CHST11: variants seen among roughly 807,000 people sequenced by gnomAD.
The protein encoded by CHST11 is C4S-1.
CHST11 carries 9 observed loss-of-function variants against 30.4 expected under a neutral mutation model. The ratio of observed to expected loss-of-function variants is 0.30; its 90% CI spans 0.18 to 0.52. The LOEUF is 0.52. CHST11 is among the 20% of genes least tolerant of loss of function. The pLI is 0.97. For missense variants in CHST11, 348 were observed against 460.6 expected (o/e 0.76, Z 2.24); for synonymous variants, 152 against 187.8 (o/e 0.81, Z 1.56).
At chr12:104,504,122 G>A (rs777152335) in intron 1 of CHST11, among the ~76,000 whole-genome samples, 5 of 152,140 alleles carry the variant, frequency 3.3e-5, no homozygotes, top group African/African-American at 1.2e-4. Flanking sequence ...TTACCTGGGT[G>A]TACCCCACAC....
intron 1 of CHST11, among the ~76,000 whole-genome samples, chr12:104,526,215 T>TAA (rs11292565): frequency 1.4e-5 from 2 of 145,920 alleles, no homozygotes; most frequent in Admixed American, 6.8e-5. Flanking sequence ...ATCATTTTCT[T>TAA]AAAAAAAAAA....
chr12:104,661,181 G>A (rs561689535), intron 2 of CHST11, among the ~76,000 whole-genome samples: 2 of 152,270 alleles, frequency 1.3e-5, no homozygotes, highest in East Asian at 3.9e-4. Context: ...AAAAACGGAA[G>A]GAGTAGCTCT....
chr12:104,623,448 C>T (rs373698733), intron 2 of CHST11, among the ~76,000 whole-genome samples: 1 of 152,202 alleles, frequency 6.6e-6, no homozygotes, highest in East Asian at 1.9e-4. Context: ...AAGTGGCTCA[C>T]GCCTGTAATC....
At position 104,758,868 on chromosome 12, in the gene CHST11, A is replaced by G. The variant is rs1435994772; in HGVS notation, c.*1065A>G. Reference sequence around the variant, plus strand: ...AAAAGATGCTAAAAAAATGTGTCCTATCATGTGCCTGCTCCAACTGATGGG... The same window carrying G: ...AAAAGATGCTAAAAAAATGTGTCCTGTCATGTGCCTGCTCCAACTGATGGG... On this transcript the variant is annotated 3_prime_UTR_variant, in exon 3 of 3. Transcript: ENST00000303694. The G allele has an allele frequency of 1.3e-5, 2 of 152,236 alleles. No individual in the cohort carries two copies. The highest frequency in any genetic ancestry group is 4.8e-5 in the African/African-American group (2 of 41,454). The allele number at this position is 152,236 out of a possible 1,614,324, so 9.4% of individuals were successfully genotyped here. A position where few individuals can be genotyped will look rare whatever the true frequency, so the allele number is the denominator to read the frequency against.
intron 1 of CHST11, among the ~76,000 whole-genome samples, chr12:104,596,727 A>G (rs1357706290): frequency 6.6e-6 from 1 of 152,212 alleles, no homozygotes; most frequent in Non-Finnish European, 1.5e-5. Flanking sequence ...CAATGTGAGA[A>G]AAAGGCTGAG....
At chr12:104,686,908 A>G (rs1223624325) in intron 2 of CHST11, among the ~76,000 whole-genome samples, 1 of 152,186 alleles carries the variant, frequency 6.6e-6, no homozygotes, top group Non-Finnish European at 1.5e-5. Flanking sequence ...TCAGCCTCCC[A>G]AAGTGCTGGG....
intron 2 of CHST11, among the ~76,000 whole-genome samples, chr12:104,684,838 C>T (rs2039831950): frequency 6.6e-6 from 1 of 152,202 alleles, no homozygotes; most frequent in Non-Finnish European, 1.5e-5. Context: ...CATGAGCCAC[C>T]ACCACACCCA....
At chr12:104,657,546 G>A (rs1351575507) in intron 2 of CHST11, among the ~76,000 whole-genome samples, 1 of 151,962 alleles carries the variant, frequency 6.6e-6, no homozygotes, top group Non-Finnish European at 1.5e-5. Flanking sequence ...GAGATCATTT[G>A]CAGGCCAGCC....
At chr12:104,628,276 C>T (rs2039237560) in intron 2 of CHST11, among the ~76,000 whole-genome samples, 1 of 152,198 alleles carries the variant, frequency 6.6e-6, no homozygotes, top group Non-Finnish European at 1.5e-5. Flanking sequence ...AGGGATTTCT[C>T]TCCAGCCTCA....
At chr12:104,601,025 C>T in intron 1 of CHST11, among the ~76,000 whole-genome samples, 1 of 149,216 alleles carries the variant, frequency 6.7e-6, no homozygotes. Flanking sequence ...TCCTCCTTCC[C>T]TCCTTCCTTC....
intron 1 of CHST11, among the ~76,000 whole-genome samples, chr12:104,484,872 A>T (rs1374699386): frequency 6.6e-6 from 1 of 152,180 alleles, no homozygotes; most frequent in Non-Finnish European, 1.5e-5. Flanking sequence ...GACATGAAGG[A>T]TGTGGGGATT....
intron 1 of CHST11, among the ~76,000 whole-genome samples, chr12:104,574,283 C>T (rs2038660203): frequency 6.6e-6 from 1 of 152,084 alleles, no homozygotes; most frequent in Non-Finnish European, 1.5e-5. Context: ...CTAGTTCAAC[C>T]ATTGTGGAAG....
At chr12:104,713,090 G>A (rs188451456) in intron 2 of CHST11, among the ~76,000 whole-genome samples, 12 of 152,122 alleles carry the variant, frequency 7.9e-5, no homozygotes, top group East Asian at 3.9e-4. Flanking sequence ...ACACAGCAGC[G>A]TGTTCTTAAG....
chr12:104,597,826 C>T (rs975555336), intron 1 of CHST11, among the ~76,000 whole-genome samples: 3 of 152,320 alleles, frequency 2.0e-5, no homozygotes, highest in Admixed American at 1.3e-4. Context: ...AACCAGGTCT[C>T]AGGCCAGGAG....
At chr12:104,652,100 G>A (rs1044278044) in intron 2 of CHST11, among the ~76,000 whole-genome samples, 9 of 152,280 alleles carry the variant, frequency 5.9e-5, no homozygotes, top group African/African-American at 2.2e-4. Flanking sequence ...TGTCCCTAAT[G>A]CAGTCGCCGC....
At chr12:104,497,461 G>A (rs2037809402) in intron 1 of CHST11, among the ~76,000 whole-genome samples, 1 of 152,172 alleles carries the variant, frequency 6.6e-6, no homozygotes, top group African/African-American at 2.4e-5. Context: ...CTCCAGAACT[G>A]TGAGAACGTA....
intron 2 of CHST11, among the ~76,000 whole-genome samples, chr12:104,751,538 T>C (rs1231521618): frequency 6.6e-6 from 1 of 152,246 alleles, no homozygotes; most frequent in Non-Finnish European, 1.5e-5. Context: ...TCCAGTGACC[T>C]AGGGCTGACC....
chr12:104,470,088 AT>A (rs1240329383), intron 1 of CHST11, among the ~76,000 whole-genome samples: 1 of 152,246 alleles, frequency 6.6e-6, no homozygotes, highest in Non-Finnish European at 1.5e-5. Flanking sequence ...TGCTACTGGC[AT>A]TTAGTGAGTG....
chr12:104,577,422 A>C (rs1187785127), intron 1 of CHST11, among the ~76,000 whole-genome samples: 2 of 152,068 alleles, frequency 1.3e-5, no homozygotes, highest in African/African-American at 4.8e-5. Context: ...GGCTGTGTAC[A>C]CACTAGGTGC....
Sources: allele counts gnomAD v4.1 joint callset (sites outside exome capture counted in the v4.1 genomes callset), GRCh38; gene constraint gnomAD v4.1.1; transcripts MANE v1.5; gene names NCBI Gene and HGNC (gene_info 2026-07-23, HGNC 2026-07-21).